FHIT: variants seen among roughly 807,000 people sequenced by gnomAD.
FHIT encodes fragile histidine triad diadenosine triphosphatase.
FHIT carries 19 observed loss-of-function variants against 17.9 expected under a neutral mutation model. That is an observed-to-expected ratio of 1.06 (90% CI 0.74 to 1.56). The LOEUF is 1.56. Among genes scored for constraint, FHIT ranks in the 40% most tolerant of loss-of-function variants. The pLI, the probability that FHIT is intolerant of heterozygous loss-of-function variation, is 0.00. For synonymous variants in FHIT, 81 were observed against 69.7 expected, an observed-to-expected ratio of 1.16 and a Z score of -0.81; for missense variants, 248 against 189.2, an observed-to-expected ratio of 1.31 and a Z score of -1.82.
At chr3:59,872,243 A>T (rs1559684817) in intron 8 of FHIT, among the ~76,000 whole-genome samples, 1 of 152,198 alleles carries the variant, frequency 6.6e-6, no homozygotes, top group Non-Finnish European at 1.5e-5. Context: ...GTACTAAAAC[A>T]TCACCTCATG....
chr3:60,847,351 G>C (rs1327134718), intron 3 of FHIT, among the ~76,000 whole-genome samples: 1 of 133,892 alleles, frequency 7.5e-6, no homozygotes. Context: ...TTTAGGCATG[G>C]TGAAGATCTA....
intron 4 of FHIT, among the ~76,000 whole-genome samples, chr3:60,565,838 T>A (rs1002132385): frequency 1.3e-5 from 2 of 152,212 alleles, no homozygotes; most frequent in Non-Finnish European, 2.9e-5. Context: ...CTCTAGTTCT[T>A]TTAATTGTGA....
chr3:61,202,247 G>A lies in FHIT; in HGVS notation c.-212-1582C>T, dbSNP rs114099439. ...CTGGGAGTGAGGAGCGCCTCTGCCCGGCCGCCCAACTATCTGGGAAGTGAG... is the reference window on the plus strand; with the variant it reads ...CTGGGAGTGAGGAGCGCCTCTGCCCAGCCGCCCAACTATCTGGGAAGTGAG... On this transcript the variant is annotated intron_variant, in intron 1 of 9. Transcript: ENST00000492590. Among the ~76,000 whole-genome samples, 281 of 151,388 alleles carry A rather than the reference G, an allele frequency of 1.9e-3. 1 individual carries two copies. Among genetic ancestry groups the A allele is most frequent in the African/African-American group, 6.5e-3 (268 of 41,256 alleles).
At chr3:60,204,894 T>A (rs951298127) in intron 5 of FHIT, among the ~76,000 whole-genome samples, 2 of 151,936 alleles carry the variant, frequency 1.3e-5, no homozygotes, top group African/African-American at 4.8e-5. Context: ...ATCTATCCCA[T>A]TAAAAGTAGG....
chr3:60,806,369 A>ATTT (rs1280197159), intron 4 of FHIT, among the ~76,000 whole-genome samples: 1 of 152,150 alleles, frequency 6.6e-6, no homozygotes, highest in Non-Finnish European at 1.5e-5. Context: ...TCTAGGATCA[A>ATTT]TTTATCTGAA....
At chr3:60,859,854 G>C (rs1286225631) in intron 3 of FHIT, among the ~76,000 whole-genome samples, 1 of 143,868 alleles carries the variant, frequency 7.0e-6, no homozygotes, top group East Asian at 2.1e-4. Flanking sequence ...GACCAGCCTG[G>C]CCAACATGGT....
chr3:60,578,538 ATCTTAT>A (rs1203408704), intron 4 of FHIT, among the ~76,000 whole-genome samples: 2 of 152,040 alleles, frequency 1.3e-5, no homozygotes, highest in Non-Finnish European at 2.9e-5. Flanking sequence ...GGGAAACAAG[ATCTTAT>A]TCTTATAAAG....
At chr3:59,786,225 A>G (rs521388) in intron 8 of FHIT, among the ~76,000 whole-genome samples, 141,416 of 152,158 alleles carry the variant, frequency 0.93, 66,228 homozygotes, top group Non-Finnish European at 0.99. Flanking sequence ...AACAGAGACA[A>G]AAGAGTTAAT....
At chr3:60,264,508 TTATCAC>T (rs1360332090) in intron 5 of FHIT, among the ~76,000 whole-genome samples, 43 of 151,982 alleles carry the variant, frequency 2.8e-4, no homozygotes, top group African/African-American at 1.0e-3. Flanking sequence ...ACACAGCACT[TTATCAC>T]TATAAGTTAC....
chr3:59,844,468 A>G (rs1701644021), intron 8 of FHIT, among the ~76,000 whole-genome samples: 1 of 151,710 alleles, frequency 6.6e-6, no homozygotes, highest in Admixed American at 6.6e-5. Context: ...GTAGTTTCTT[A>G]CTTTTCCTAG....
chr3:60,273,257 T>C (rs1706957030), intron 5 of FHIT, among the ~76,000 whole-genome samples: 1 of 152,218 alleles, frequency 6.6e-6, no homozygotes, highest in East Asian at 1.9e-4. Context: ...TTTGAATTAA[T>C]ATCCAATTCT....
Position 60,053,227 on chromosome 3 carries a change from A to T in FHIT, c.104-39075T>A, listed in dbSNP as rs187059891. On this transcript the variant is annotated intron_variant, in intron 5 of 9. Transcript: ENST00000492590. The stretch of plus-strand genomic sequence containing the variant: ...CCATAGAGAGGCCTTCCCTAACCAC[A>T]CCACCTAAAGTAGGCTATCCCAATT... Among the ~76,000 whole-genome samples the T allele has an allele frequency of 1.5e-3, 226 of 151,862 alleles. 1 individual carries two copies. The highest frequency in any genetic ancestry group is 4.9e-3 in the African/African-American group (202 of 41,362).
intron 8 of FHIT, among the ~76,000 whole-genome samples, chr3:59,771,495 G>A (rs945016143): frequency 1.3e-5 from 2 of 152,234 alleles, no homozygotes; most frequent in Admixed American, 1.3e-4. Context: ...TTTGGGGTAT[G>A]TTTGAGGGTG....
intron 4 of FHIT, among the ~76,000 whole-genome samples, chr3:60,559,761 T>TGAGAAA (rs1559539593): frequency 3.3e-5 from 2 of 61,204 alleles, no homozygotes; most frequent in African/African-American, 1.3e-4. Context: ...ATGTCCCTCT[T>TGAGAAA]ACGGGCACTT....
chr3:61,029,948 G>C (rs2032930104), intron 3 of FHIT, among the ~76,000 whole-genome samples: 1 of 152,184 alleles, frequency 6.6e-6, no homozygotes, highest in South Asian at 2.1e-4. Context: ...CCCTAGACCT[G>C]AATCAAAATC....
chr3:60,512,332 A>G (rs2034982823), intron 5 of FHIT, among the ~76,000 whole-genome samples: 1 of 152,126 alleles, frequency 6.6e-6, no homozygotes, highest in Non-Finnish European at 1.5e-5. Flanking sequence ...TCAGCAACAG[A>G]CTCATACATC....
At chr3:59,853,878 G>A (rs979376866) in intron 8 of FHIT, among the ~76,000 whole-genome samples, 1 of 152,098 alleles carries the variant, frequency 6.6e-6, no homozygotes, top group Non-Finnish European at 1.5e-5. Context: ...AGACTTAGCA[G>A]TTAAAAAGCA....
At chr3:61,218,746 A>G (rs372223977) in intron 1 of FHIT, among the ~76,000 whole-genome samples, 72 of 152,236 alleles carry the variant, frequency 4.7e-4, no homozygotes, top group African/African-American at 1.7e-3. Flanking sequence ...ATAGGAACCC[A>G]TGCTATTGTC....
intron 3 of FHIT, among the ~76,000 whole-genome samples, chr3:61,026,298 G>C (rs763473012): frequency 2.0e-5 from 3 of 152,030 alleles, no homozygotes; most frequent in Non-Finnish European, 4.4e-5. Context: ...AGTGTTTGGG[G>C]GGCCTAGGTC....
Sources: allele counts gnomAD v4.1 joint callset (sites outside exome capture counted in the v4.1 genomes callset), GRCh38; gene constraint gnomAD v4.1.1; transcripts MANE v1.5; gene names NCBI Gene and HGNC (gene_info 2026-07-23, HGNC 2026-07-21).